Variants in TRPC7 observed in about 807,000 individuals in gnomAD.
TRPC7 encodes the protein short transient receptor potential channel 7.
Under a neutral mutation model 90.1 loss-of-function variants are expected in TRPC7, and 42 were observed. That is an observed-to-expected ratio of 0.47 (90% CI 0.36 to 0.60). TRPC7 has a LOEUF of 0.60. TRPC7 is among the 20% of genes least tolerant of loss of function. The pLI, the probability that TRPC7 is intolerant of heterozygous loss-of-function variation, is 0.00. For missense variants in TRPC7, 955 were observed against 1,112.3 expected (o/e 0.86, Z 2.01); for synonymous variants, 451 against 436.3 (o/e 1.03, Z -0.42).
chr5:136,282,800 T>A (rs2149819464), intron 3 of TRPC7, among the ~76,000 whole-genome samples: 1 of 152,304 alleles, frequency 6.6e-6, no homozygotes, highest in Non-Finnish European at 1.5e-5. Flanking sequence ...TGGCAGACAG[T>A]GATCCATCCA....
chr5:136,344,127 A>G (rs958515235), intron 2 of TRPC7, among the ~76,000 whole-genome samples: 4 of 152,200 alleles, frequency 2.6e-5, no homozygotes, highest in Admixed American at 6.5e-5. Flanking sequence ...TTGCGGCAAC[A>G]TGATGGAGCT....
intron 2 of TRPC7, among the ~76,000 whole-genome samples, chr5:136,330,734 A>C (rs1394146107): frequency 6.6e-6 from 1 of 152,214 alleles, no homozygotes; most frequent in East Asian, 1.9e-4. Context: ...ACCCCACGCT[A>C]AGTCACCAGC....
At chr5:136,329,594 CAGCAAGTGCAACAGGA>C (rs1759439465) in intron 2 of TRPC7, among the ~76,000 whole-genome samples, 1 of 152,070 alleles carries the variant, frequency 6.6e-6, no homozygotes, top group Non-Finnish European at 1.5e-5. Flanking sequence ...GAAGTGGGAC[CAGCAAGTGCAACAGGA>C]AGAGATCATG....
At chr5:136,292,134 T>A (rs1415106670) in intron 3 of TRPC7, among the ~76,000 whole-genome samples, 1 of 152,128 alleles carries the variant, frequency 6.6e-6, no homozygotes, top group Non-Finnish European at 1.5e-5. Context: ...CTGGGACACA[T>A]TCAAAGCAGT....
intron 4 of TRPC7, among the ~76,000 whole-genome samples, chr5:136,272,508 A>G (rs1380565415): frequency 6.6e-6 from 1 of 152,018 alleles, no homozygotes; most frequent in African/African-American, 2.4e-5. Flanking sequence ...TTAATGAGGG[A>G]ATCTTTGCTT....
intron 10 of TRPC7, among the ~76,000 whole-genome samples, chr5:136,220,371 T>C (rs1374998924): frequency 6.6e-6 from 1 of 152,098 alleles, no homozygotes; most frequent in Non-Finnish European, 1.5e-5. Flanking sequence ...GGAATATTAA[T>C]AATTAAGACC....
chr5:136,288,813 CA>C (rs1037924287), intron 3 of TRPC7, among the ~76,000 whole-genome samples: 1 of 152,152 alleles, frequency 6.6e-6, no homozygotes, highest in Non-Finnish European at 1.5e-5. Flanking sequence ...ATATAATAAC[CA>C]GTTACAATTA....
intron 3 of TRPC7, among the ~76,000 whole-genome samples, chr5:136,286,391 T>C (rs1226161030): frequency 6.6e-6 from 1 of 152,176 alleles, no homozygotes; most frequent in East Asian, 1.9e-4. Context: ...GCCTTAGACA[T>C]CTTCAGTATC....
At chr5:136,305,770 C>T (rs1053830779) in intron 3 of TRPC7, among the ~76,000 whole-genome samples, 13 of 152,076 alleles carry the variant, frequency 8.5e-5, no homozygotes, top group Admixed American at 3.3e-4. Context: ...CTTAGTATTC[C>T]GTGAAACCTT....
intron 3 of TRPC7, chr5:136,303,607 C>T (rs944339570): frequency 7.9e-5 from 12 of 152,166 alleles, no homozygotes; most frequent in Middle Eastern, 3.4e-3. Flanking sequence ...ATCTGGCCAC[C>T]GAGCCAAGGA....
intron 3 of TRPC7, among the ~76,000 whole-genome samples, chr5:136,299,331 G>A (rs1175120217): frequency 8.6e-6 from 1 of 116,090 alleles, no homozygotes; most frequent in African/African-American, 4.1e-5. Flanking sequence ...TCTCTGACTG[G>A]GGTGTGTGCG....
chr5:136,334,842 G>A (rs1320025999), intron 2 of TRPC7, among the ~76,000 whole-genome samples: 2 of 152,178 alleles, frequency 1.3e-5, no homozygotes, highest in African/African-American at 2.4e-5. Context: ...GTGGCTACCA[G>A]GGAATTGATC....
rs3822749 is a variant in TRPC7 at position 136,354,892 on chromosome 5, G to A, written c.780+1716C>T. ...TCCTCCAAATGCCTACTCTCTCTTC[G>A]TAATGACCCAACCACTCCTACTCAT... is the stretch of plus-strand genomic sequence containing the variant. On this transcript the variant is annotated intron_variant, in intron 2 of 11. Transcript: ENST00000513104. 3.1e-3 allele frequency among the ~76,000 whole-genome samples: 474 copies of A among 152,200 alleles called. 19 individuals carry two copies. In the East Asian group the frequency reaches 0.073, roughly 24 times the overall value.
chr5:136,361,128 C>A (rs917274700), intron 1 of TRPC7, among the ~76,000 whole-genome samples: 1 of 152,160 alleles, frequency 6.6e-6, no homozygotes, highest in African/African-American at 2.4e-5. Context: ...GAGATCTTAT[C>A]ACAGTTTTAG....
At chr5:136,318,640 T>A (rs1759101466) in intron 2 of TRPC7, among the ~76,000 whole-genome samples, 1 of 152,200 alleles carries the variant, frequency 6.6e-6, no homozygotes, top group Non-Finnish European at 1.5e-5. Flanking sequence ...CATTTTCTGA[T>A]GACCTAATTC....
chr5:136,213,616 GA>G lies in TRPC7; in HGVS notation c.2420-13del, dbSNP rs764479274. 5.6e-6 allele frequency: 9 copies of G among 1,613,520 alleles called. No individual in the cohort carries two copies. Among genetic ancestry groups the G allele is most frequent in the Admixed American group, 3.3e-5 (2 of 60,016 alleles). On this transcript the variant is annotated splice_polypyrimidine_tract_variant and intron_variant, in intron 11 of 11. Coordinates refer to ENST00000513104, the MANE Select transcript of TRPC7 (RefSeq NM_020389.3). ...TTCCTTCAGCTCGCCTGCAAGGACA[GA>G]GGAGATTTTGCTGAGTCTGAGTAGG...
At chr5:136,216,368 G>A in intron 10 of TRPC7, 93 bp from the exon 11 acceptor site, 2 of 1,003,882 alleles carry the variant, frequency 2.0e-6, no homozygotes, top group South Asian at 1.4e-5. Context: ...CCCTTGAAGA[G>A]CCTCAGCAAC....
intron 3 of TRPC7, among the ~76,000 whole-genome samples, chr5:136,314,582 G>A (rs543673821): frequency 6.6e-6 from 1 of 152,220 alleles, no homozygotes; most frequent in African/African-American, 2.4e-5. Context: ...CAAAGTAAAA[G>A]GGCAGGAAGA....
intron 4 of TRPC7, among the ~76,000 whole-genome samples, chr5:136,273,920 C>T (rs1276577632): frequency 6.6e-6 from 1 of 152,128 alleles, no homozygotes; most frequent in Non-Finnish European, 1.5e-5. Context: ...ACTCATGTGA[C>T]TGGGATGTGG....
Sources: gnomAD v4.1 joint callset for allele counts (sites outside exome capture counted in the v4.1 genomes callset) on GRCh38, gnomAD v4.1.1 for gene constraint, MANE v1.5 for transcripts, NCBI Gene and HGNC (gene_info 2026-07-23, HGNC 2026-07-21) for gene names.